FBXL2: variants seen among roughly 807,000 people sequenced by gnomAD.
FBXL2 encodes the protein F-box and leucine rich repeat protein 2.
FBXL2 carries 38 observed loss-of-function variants against 69.2 expected under a neutral mutation model. The ratio of observed to expected loss-of-function variants is 0.55; its 90% CI spans 0.42 to 0.72. The LOEUF is 0.72. Ranked by LOEUF, FBXL2 falls within the 30% of genes least tolerant of loss-of-function variation. The pLI is 0.00. For missense variants in FBXL2, 354 were observed against 520.3 expected (o/e 0.68, Z 3.11); for synonymous variants, 192 against 201.3 (o/e 0.95, Z 0.39).
At chr3:33,300,026 C>T (rs1050813824) in intron 2 of FBXL2, among the ~76,000 whole-genome samples, 2 of 152,074 alleles carry the variant, frequency 1.3e-5, no homozygotes, top group Non-Finnish European at 2.9e-5. Flanking sequence ...TGGGTCTGAA[C>T]ATTTCTCTAG....
intron 2 of FBXL2, among the ~76,000 whole-genome samples, chr3:33,306,085 G>T (rs1198762430): frequency 6.6e-6 from 1 of 151,684 alleles, no homozygotes; most frequent in East Asian, 1.9e-4. Context: ...GTTTTCTTTA[G>T]CTGCCTTCAT....
intron 12 of FBXL2, among the ~76,000 whole-genome samples, chr3:33,395,771 AAAG>A (rs1376892788): frequency 2.7e-5 from 4 of 149,708 alleles, no homozygotes; most frequent in Non-Finnish European, 4.4e-5. Context: ...AAAAAAAAAA[AAAG>A]AAAAAGGAAA....
chr3:33,349,796 A>T (rs2040704124), intron 2 of FBXL2, among the ~76,000 whole-genome samples: 1 of 152,230 alleles, frequency 6.6e-6, no homozygotes, highest in Admixed American at 6.5e-5. Context: ...TTGATAACTT[A>T]GATGGAAAGG....
At chr3:33,373,416 C>A in intron 7 of FBXL2, 61 bp downstream of exon 7, 1 of 1,527,942 alleles carries the variant, frequency 6.5e-7, no homozygotes, top group Non-Finnish European at 9.1e-7. Context: ...TTCTGGAAAC[C>A]TTCTTAATGG....
intron 10 of FBXL2, among the ~76,000 whole-genome samples, chr3:33,376,579 T>C (rs914148560): frequency 6.6e-6 from 1 of 152,232 alleles, no homozygotes; most frequent in African/African-American, 2.4e-5. Flanking sequence ...GCATGGGTAA[T>C]TGAGAATTAA....
chr3:33,339,508 G>A (rs763908901), intron 2 of FBXL2, among the ~76,000 whole-genome samples: 9 of 152,180 alleles, frequency 5.9e-5, no homozygotes, highest in African/African-American at 1.2e-4. Context: ...TTGAGCATAT[G>A]TGGACACAGA....
intron 2 of FBXL2, among the ~76,000 whole-genome samples, chr3:33,345,399 C>T (rs1219057602): frequency 6.6e-6 from 1 of 152,148 alleles, no homozygotes; most frequent in Non-Finnish European, 1.5e-5. Context: ...CATCATTCAA[C>T]CTACTACATT....
chr3:33,320,355 G>T (rs917601320), intron 2 of FBXL2, among the ~76,000 whole-genome samples: 1 of 151,922 alleles, frequency 6.6e-6, no homozygotes, highest in African/African-American at 2.4e-5. Flanking sequence ...GGAAAATAAA[G>T]AAATTGGATC....
chr3:33,399,230 T>C (rs1416565096), intron 12 of FBXL2, among the ~76,000 whole-genome samples: 2 of 152,190 alleles, frequency 1.3e-5, no homozygotes, highest in African/African-American at 4.8e-5. Flanking sequence ...TGTTACTAGG[T>C]GGTCATGTTG....
the FBXL2 span, among the ~76,000 whole-genome samples, chr3:33,417,727 A>C: frequency 6.6e-6 from 1 of 152,250 alleles, no homozygotes; most frequent in Non-Finnish European, 1.5e-5. Context: ...TAAAAATGAC[A>C]GTATAATTTG....
intron 1 of FBXL2, among the ~76,000 whole-genome samples, chr3:33,282,647 A>G (rs2034157530): frequency 6.6e-6 from 1 of 152,110 alleles, no homozygotes; most frequent in Non-Finnish European, 1.5e-5. Context: ...CAGTATGGCC[A>G]TTTTCACGAT....
intron 2 of FBXL2, among the ~76,000 whole-genome samples, chr3:33,302,061 T>TTAAAGCTGACTG (rs2036341711): frequency 2.0e-5 from 3 of 152,216 alleles, no homozygotes; most frequent in African/African-American, 7.2e-5. Context: ...TATATTAATA[T>TTAAAGCTGACTG]CAATTTTTGG....
intron 2 of FBXL2, among the ~76,000 whole-genome samples, chr3:33,332,356 C>T (rs2039231050): frequency 6.6e-6 from 1 of 152,190 alleles, no homozygotes; most frequent in East Asian, 1.9e-4. Context: ...ACAGCCACTG[C>T]AGAAAACAGT....
chr3:33,396,202 A>G (rs1419736396), intron 12 of FBXL2: 11 of 1,595,224 alleles, frequency 6.9e-6, no homozygotes, highest in Admixed American at 1.7e-5. Flanking sequence ...CACTGCTTGC[A>G]GCTTGCTGCT....
the FBXL2 span, chr3:33,411,502 G>C: frequency 2.5e-6 from 3 of 1,190,804 alleles, no homozygotes; most frequent in Non-Finnish European, 3.7e-6. Flanking sequence ...TAAAGGAAAT[G>C]ATACTGTATC....
At chr3:33,316,953 G>A (rs2037756060) in intron 2 of FBXL2, among the ~76,000 whole-genome samples, 1 of 151,922 alleles carries the variant, frequency 6.6e-6, no homozygotes, top group African/African-American at 2.4e-5. Flanking sequence ...CCAGGCTGAA[G>A]TACAGTGGCA....
At chr3:33,389,294 A>G (rs2043659366), downstream of FBXL2, 1 of 152,628 alleles carries the variant, frequency 6.6e-6, no homozygotes, top group South Asian at 2.1e-4. Flanking sequence ...TGTATGGTAC[A>G]TTTTAGTGTT....
At chr3:33,335,189 C>T (rs2125837881) in intron 2 of FBXL2, among the ~76,000 whole-genome samples, 1 of 151,602 alleles carries the variant, frequency 6.6e-6, no homozygotes, top group Admixed American at 6.6e-5. Flanking sequence ...TCAAAATTCT[C>T]TTCTAAAAAT....
chr3:33,353,032 G>GA (rs1390897844), intron 2 of FBXL2, among the ~76,000 whole-genome samples: 1 of 152,184 alleles, frequency 6.6e-6, no homozygotes, highest in East Asian at 1.9e-4. Context: ...CATAAGAAAA[G>GA]ATGCTTAATA....
Sources: allele counts gnomAD v4.1 joint callset (sites outside exome capture counted in the v4.1 genomes callset), GRCh38; gene constraint gnomAD v4.1.1; transcripts MANE v1.5; gene names NCBI Gene and HGNC (gene_info 2026-07-23, HGNC 2026-07-21).